Variants in PPP1R14A observed in about 807,000 individuals in gnomAD.
PPP1R14A encodes protein phosphatase 1 regulatory inhibitor subunit 14A, also known as protein phosphatase 1 regulatory subunit 14A.
PPP1R14A carries 9 observed loss-of-function variants against 14.1 expected under a neutral mutation model. That is an observed-to-expected ratio of 0.64 (90% CI 0.38 to 1.11). The LOEUF (loss-of-function observed/expected upper bound fraction) is 1.11, where lower values mean the gene tolerates loss of function less well. Among genes scored for constraint, PPP1R14A ranks in the 50% most tolerant of loss-of-function variants. The probability of loss-of-function intolerance (pLI) is 0.01; values close to 1 mark genes in which losing one functional copy is unlikely to be tolerated. For synonymous variants in PPP1R14A, 93 were observed against 88.7 expected (o/e 1.05, Z -0.27); for missense variants, 208 against 200.7 (o/e 1.04, Z -0.22).
chr19:38,253,136 T>G, intron 1 of PPP1R14A, 162 bp from the exon 2 acceptor site: 1 of 597,056 alleles, frequency 1.7e-6, no homozygotes, highest in Non-Finnish European at 3.0e-6. Flanking sequence ...GACATCTGGG[T>G]GTTGGGGGGG....
intron 3 of PPP1R14A, among the ~76,000 whole-genome samples, chr19:38,251,700 G>A (rs577853605): frequency 1.3e-5 from 2 of 152,172 alleles, no homozygotes; most frequent in South Asian, 4.1e-4. Context: ...GATACGGAGT[G>A]GGGGAGGGGG....
intron 3 of PPP1R14A, 73 bp from the exon 4 acceptor site, chr19:38,251,519 C>A: frequency 6.9e-7 from 1 of 1,448,038 alleles, no homozygotes; most frequent in Non-Finnish European, 9.0e-7. Context: ...CAGCCCAGTC[C>A]CTGACCTGGG....
intron 1 of PPP1R14A, chr19:38,253,236 G>A (rs554617758): frequency 3.5e-5 from 16 of 453,032 alleles, no homozygotes; most frequent in East Asian, 1.6e-4. Flanking sequence ...GGGCTGGCAC[G>A]GGTCTCTCGC....
intron 1 of PPP1R14A, chr19:38,253,217 G>A (rs901128883): frequency 5.6e-5 from 27 of 479,344 alleles, no homozygotes; most frequent in Non-Finnish European, 7.9e-5. Context: ...ATGGGCCCCG[G>A]GAGCCTCGGG....
At position 38,252,897 on chromosome 19, in the gene PPP1R14A, G is replaced by A. The variant is rs778834867; in HGVS notation, c.279C>T (p.Ile93=). Residue 93 remains isoleucine, a synonymous_variant, in exon 2 of 4, where the codon ATC becomes ATT. Coordinates refer to ENST00000301242, the MANE Select transcript of PPP1R14A (RefSeq NM_033256.3). The surrounding 1 kb of genome is among the most constrained non-coding windows in gnomAD (Gnocchi z 4.1). ...GGGGACACGTCCCCCCACCTACCTG[G>A]ATTTTCCGGCTTCTCTCCTCTTCAC... ...LESEEERSRK[I]QGLLKSCGKP... is the part of the protein sequence containing the mutation. 8 of 1,613,036 alleles carry A rather than the reference G, an allele frequency of 5.0e-6. No individual in the cohort carries two copies. In the South Asian group the frequency reaches 7.7e-5, roughly 16 times the overall value.
chr19:38,252,390 T>G lies in PPP1R14A; in HGVS notation c.283-52A>C. 2 of 1,571,232 alleles carry G rather than the reference T, an allele frequency of 1.3e-6. No individual in the cohort carries two copies. Among genetic ancestry groups the G allele is most frequent in the Non-Finnish European group, 8.7e-7 (1 of 1,147,674 alleles). On this transcript the variant is annotated intron_variant, in intron 2 of 3. Transcript: ENST00000301242. The surrounding 1 kb of genome is among the most constrained non-coding windows in gnomAD (Gnocchi z 4.1). ...AAAACAGTAAATGACTAACACCTAC[T>G]CCCCTCCAGCCCCTTCCCTTTCCCA...
chr19:38,254,314 CTTTTTTT>C (rs111746953), intron 1 of PPP1R14A, among the ~76,000 whole-genome samples: 1 of 151,600 alleles, frequency 6.6e-6, no homozygotes, highest in Admixed American at 6.6e-5. Flanking sequence ...TTTCTTTTTT[CTTTTTTT>C]TGAGACAAAG....
At chr19:38,255,180 G>A (rs1331375760) in intron 1 of PPP1R14A, among the ~76,000 whole-genome samples, 1 of 152,272 alleles carries the variant, frequency 6.6e-6, no homozygotes, top group Non-Finnish European at 1.5e-5. Flanking sequence ...CTGGAGTGCA[G>A]TGGTGCAATC....
chr19:38,255,030 C>T (rs1393229044), intron 1 of PPP1R14A, among the ~76,000 whole-genome samples: 6 of 152,052 alleles, frequency 3.9e-5, no homozygotes, highest in Admixed American at 1.3e-4. Context: ...GTGATCCGCC[C>T]GCCTCGGCCT....
chr19:38,256,311 A>C lies in PPP1R14A; in HGVS notation c.29T>G (p.Val10Gly). The C allele has an allele frequency of 1.3e-6, 2 of 1,523,556 alleles. No individual in the cohort carries two copies. Among genetic ancestry groups the C allele is most frequent in the East Asian group, 5.0e-5 (2 of 39,892 alleles). 94.4% of individuals were successfully genotyped at this position (1,523,556 alleles called of 1,614,324 possible). A position where few individuals can be genotyped will look rare whatever the true frequency, so the allele number is the denominator to read the frequency against. MAAQRLGKR[V>G]LSKLQSPSRA... ...CGATGGAGACTGCAGCTTGCTCAGCACGCGCTTGCCCAGCCGCTGAGCTGC... is the reference window on the plus strand; with the variant it reads ...CGATGGAGACTGCAGCTTGCTCAGCCCGCGCTTGCCCAGCCGCTGAGCTGC... The change falls in exon 1 of 4, where the codon GTG (valine) becomes GGG (glycine). Residue 10 changes from valine to glycine, a missense_variant. Coordinates refer to ENST00000301242, the MANE Select transcript of PPP1R14A (RefSeq NM_033256.3). The surrounding 1 kb of genome is among the most constrained non-coding windows in gnomAD (Gnocchi z 5.7).
rs183319434 is a variant in PPP1R14A at position 38,252,810 on chromosome 19, A to C, written c.282+84T>G. On this transcript the variant is annotated intron_variant, in intron 2 of 3. Transcript: ENST00000301242. The surrounding 1 kb of genome is among the most constrained non-coding windows in gnomAD (Gnocchi z 4.1). ...TCACACCAGTGCCCGGCATCTAGTG[A>C]GCACTCAGTAAACACGTGAACTATT... The C allele has an allele frequency of 1.1e-5, 11 of 995,822 alleles. No individual in the cohort carries two copies. In the East Asian group the frequency reaches 2.4e-4, roughly 22 times the overall value. The allele number at this position is 995,822 out of a possible 1,614,324, so 61.7% of individuals were successfully genotyped here.
intron 1 of PPP1R14A, among the ~76,000 whole-genome samples, chr19:38,255,271 G>A (rs1466228723): frequency 2.0e-5 from 3 of 152,040 alleles, no homozygotes; most frequent in Admixed American, 6.6e-5. Flanking sequence ...TTACAAGTGC[G>A]TGCATGCCAC....
intron 1 of PPP1R14A, among the ~76,000 whole-genome samples, chr19:38,254,305 T>C (rs1968222485): frequency 6.6e-6 from 1 of 151,054 alleles, no homozygotes; most frequent in Non-Finnish European, 1.5e-5. Context: ...CCATCTCTTT[T>C]TCTTTTTTCT....
At chr19:38,255,842 T>C (rs1284505437) in intron 1 of PPP1R14A, among the ~76,000 whole-genome samples, 1 of 151,886 alleles carries the variant, frequency 6.6e-6, no homozygotes, top group African/African-American at 2.4e-5. Context: ...GACGTGGCGG[T>C]TTCAGCTCAA....
Position 38,252,215 on chromosome 19 carries a change from TC to T in PPP1R14A, c.315+90del. The T allele has an allele frequency of 7.6e-7, 1 of 1,321,146 alleles. No homozygotes were observed. The allele number at this position is 1,321,146 out of a possible 1,614,324, so 81.8% of individuals were successfully genotyped here. A position where few individuals can be genotyped will look rare whatever the true frequency, so the allele number is the denominator to read the frequency against. On this transcript the variant is annotated intron_variant, in intron 3 of 3. Coordinates refer to ENST00000301242, the MANE Select transcript of PPP1R14A (RefSeq NM_033256.3). This position sits in a 1 kb window ranked among gnomAD's most constrained non-coding sequence, Gnocchi z 4.1. ...CGGGGGTGGTGGGGCCGGGTGGTGT[TC>T]CCCAGAGACCCTTCTGCCAGCTTCT...
rs1158927536 is a variant in PPP1R14A, at chr19:38,256,278, C to T, written c.62G>A (p.Arg21His). The change falls in exon 1 of 4, where the codon CGC becomes CAC. Residue 21 changes from arginine to histidine, a missense_variant. Arg to His is a conservative substitution (Grantham distance 29). Coordinates refer to ENST00000301242, the MANE Select transcript of PPP1R14A (RefSeq NM_033256.3). This position sits in a 1 kb window ranked among gnomAD's most constrained non-coding sequence, Gnocchi z 5.7. Reference sequence around the variant, plus strand: ...CCCCCCGGGACTGCCCCCTGGCCCGCGGGCCCGCGATGGAGACTGCAGCTT... The same window carrying T: ...CCCCCCGGGACTGCCCCCTGGCCCGTGGGCCCGCGATGGAGACTGCAGCTT... ...LSKLQSPSRARGPGGSPGGLQ... is the reference protein window; with the variant it reads ...LSKLQSPSRAHGPGGSPGGLQ... 6.5e-7 allele frequency: 1 copy of T among 1,542,008 alleles called. No individual in the cohort carries two copies. Among genetic ancestry groups the T allele is most frequent in the South Asian group, 1.2e-5 (1 of 84,332 alleles).
Position 38,252,808 on chromosome 19 carries a change from TGA to T in PPP1R14A, c.282+84_282+85del. Reference sequence around the variant, plus strand: ...CATCACACCAGTGCCCGGCATCTAGTGAGCACTCAGTAAACACGTGAACTATT... The same window carrying T: ...CATCACACCAGTGCCCGGCATCTAGTGCACTCAGTAAACACGTGAACTATT... On this transcript the variant is annotated intron_variant, in intron 2 of 3. Transcript: ENST00000301242. This position sits in a 1 kb window ranked among gnomAD's most constrained non-coding sequence, Gnocchi z 4.1. The T allele has an allele frequency of 1.0e-6, 1 of 987,624 alleles. No homozygotes were observed. Among genetic ancestry groups the T allele is most frequent in the Non-Finnish European group, 1.6e-6 (1 of 612,486 alleles). 61.2% of individuals were successfully genotyped at this position (987,624 alleles called of 1,614,324 possible). A position where few individuals can be genotyped will look rare whatever the true frequency, so the allele number is the denominator to read the frequency against.
chr19:38,254,391 G>A (rs1340697936), intron 1 of PPP1R14A, among the ~76,000 whole-genome samples: 6 of 151,618 alleles, frequency 4.0e-5, no homozygotes, highest in Middle Eastern at 3.2e-3. Context: ...TGCAACCTCC[G>A]CCTCCCGGGT....
intron 3 of PPP1R14A, chr19:38,251,722 C>A (rs1301626994): frequency 2.1e-6 from 1 of 476,698 alleles, no homozygotes; most frequent in African/African-American, 2.1e-5. Context: ...GAAACAGACA[C>A]AGAAACAGAG....
Sources: allele counts gnomAD v4.1 joint callset (sites outside exome capture counted in the v4.1 genomes callset), GRCh38; gene constraint gnomAD v4.1.1; non-coding constraint Gnocchi (gnomAD v3.1); transcripts MANE v1.5; gene names NCBI Gene and HGNC (gene_info 2026-07-23, HGNC 2026-07-21).